SYCP2L: variants seen among roughly 807,000 people sequenced by gnomAD.
The protein encoded by SYCP2L is synaptonemal complex protein 2-like.
Under a neutral mutation model 125.8 loss-of-function variants are expected in SYCP2L, and 98 were observed. That is an observed-to-expected ratio of 0.78 (90% CI 0.66 to 0.92). The LOEUF (loss-of-function observed/expected upper bound fraction) is 0.92, where lower values mean the gene tolerates loss of function less well. Among genes scored for constraint, SYCP2L ranks in the 40% least tolerant of loss-of-function variants. SYCP2L has a pLI of 0.00. For missense variants in SYCP2L, 842 were observed against 936.4 expected (o/e 0.90, Z 1.32); for synonymous variants, 317 against 325.4 (o/e 0.97, Z 0.28).
At chr6:10,918,077 T>G (rs1780721034) in intron 14 of SYCP2L, among the ~76,000 whole-genome samples, 1 of 151,902 alleles carries the variant, frequency 6.6e-6, no homozygotes, top group African/African-American at 2.4e-5. Flanking sequence ...GCTCTCAAGA[T>G]TCTTTCCTTT....
intron 21 of SYCP2L, among the ~76,000 whole-genome samples, chr6:10,939,549 T>C (rs1781174958): frequency 6.6e-6 from 1 of 152,182 alleles, no homozygotes. Flanking sequence ...GATAACATTA[T>C]GGGCCCAGAC....
intron 8 of SYCP2L, among the ~76,000 whole-genome samples, 164 bp downstream of exon 8, chr6:10,903,127 G>A (rs1220904503): frequency 6.6e-6 from 1 of 152,202 alleles, no homozygotes; most frequent in Non-Finnish European, 1.5e-5. Context: ...TGATAAAGAC[G>A]GGCTGAGGTA....
chr6:10,913,149 A>G (rs1317054441), intron 14 of SYCP2L, among the ~76,000 whole-genome samples: 1 of 152,194 alleles, frequency 6.6e-6, no homozygotes, highest in Non-Finnish European at 1.5e-5. Flanking sequence ...AAAAATGTTT[A>G]TAGATCCTCA....
At chr6:10,924,869 T>C (rs1470197450) in intron 15 of SYCP2L, among the ~76,000 whole-genome samples, 3 of 152,236 alleles carry the variant, frequency 2.0e-5, no homozygotes, top group Non-Finnish European at 4.4e-5. Context: ...CTTGAAATGC[T>C]TTACTCTACT....
rs1170543385 is a variant in SYCP2L at position 10,928,232 on chromosome 6, G to GTT, written c.1441-171_1441-170insTT. 2.0e-5 allele frequency among the ~76,000 whole-genome samples: 3 copies of GTT among 151,562 alleles called. No individual in the cohort carries two copies. The East Asian group carries it at 5.8e-4, about 29-fold the overall frequency. ...TATTGTGATACCCTTGTGATACAAG[G>GTT]GTATCACAAGGCATAGGAAATCACA... On this transcript the variant is annotated intron_variant, in intron 17 of 29. Transcript: ENST00000283141.
intron 23 of SYCP2L, among the ~76,000 whole-genome samples, chr6:10,946,773 C>T (rs1479537030): frequency 1.3e-5 from 2 of 151,032 alleles, no homozygotes; most frequent in Non-Finnish European, 3.0e-5. Context: ...TCCATTTATC[C>T]TTGGTAATGT....
At chr6:10,898,280 C>T (rs893367469) in intron 5 of SYCP2L, among the ~76,000 whole-genome samples, 165 bp downstream of exon 5, 5 of 152,076 alleles carry the variant, frequency 3.3e-5, no homozygotes, top group Admixed American at 6.6e-5. Flanking sequence ...TTTGGGAGGC[C>T]GAGGTGAGTG....
At position 10,891,540 on chromosome 6, in the gene SYCP2L, A is replaced by C. The variant is rs1263538811; in HGVS notation, c.37A>C (p.Lys13Gln). 1 of 1,603,586 alleles carries C rather than the reference A, an allele frequency of 6.2e-7. No homozygotes were observed. The highest frequency in any genetic ancestry group is 8.5e-7 in the Non-Finnish European group (1 of 1,174,638). The change falls in exon 2 of 30, where the codon AAG becomes CAG. Residue 13 changes from lysine to glutamine, a missense_variant. Lys to Gln is a moderately conservative substitution (Grantham distance 53, BLOSUM62 1). Coordinates refer to ENST00000283141, the MANE Select transcript of SYCP2L (RefSeq NM_001040274.3). ...AAACAAAGATGCTTTGCAGCCTATT[A>C]AGGAAGACAGGACTGGGAAGGCCCA... is the stretch of plus-strand genomic sequence containing the variant. ...AKNKDALQPI[K>Q]EDRTGKAQDD...
At chr6:10,909,721 A>G (rs4711128) in intron 10 of SYCP2L, among the ~76,000 whole-genome samples, 41 of 152,154 alleles carry the variant, frequency 2.7e-4, no homozygotes, top group African/African-American at 9.6e-4. Context: ...TAATACACCC[A>G]GATCACAGTT....
intron 29 of SYCP2L, among the ~76,000 whole-genome samples, chr6:10,973,023 G>T (rs1038192702): frequency 3.9e-5 from 6 of 152,208 alleles, no homozygotes; most frequent in Non-Finnish European, 7.3e-5. Flanking sequence ...GGAAACAGGG[G>T]AGAATAGGTG....
At chr6:10,951,541 T>C (rs1212836506) in intron 23 of SYCP2L, among the ~76,000 whole-genome samples, 1 of 152,264 alleles carries the variant, frequency 6.6e-6, no homozygotes. Flanking sequence ...TTATCCATTC[T>C]TAACTGCATT....
chr6:10,910,725 A>G (rs916382062), intron 11 of SYCP2L, 99 bp from the exon 12 acceptor site: 8 of 1,264,500 alleles, frequency 6.3e-6, no homozygotes, highest in African/African-American at 4.4e-5. Context: ...GAGGAGACTT[A>G]ATGGCATACT....
In SYCP2L at chr6:10,906,024, G is replaced by T. The variant is rs1188951892; in HGVS notation, c.646G>T (p.Asp216Tyr). The T allele has an allele frequency of 3.8e-6, 6 of 1,599,192 alleles. No individual in the cohort carries two copies. Among genetic ancestry groups the T allele is most frequent in the Non-Finnish European group, 5.1e-6 (6 of 1,168,680 alleles). ...LSEGMCHLMKDLARTLLTVGD... is the reference protein window; with the variant it reads ...LSEGMCHLMKYLARTLLTVGD... Reference sequence around the variant, plus strand: ...TGATTTATCTAAATGTTTCAGGAAAGACCTTGCAAGGACACTCTTGACTGT... The same window carrying T: ...TGATTTATCTAAATGTTTCAGGAAATACCTTGCAAGGACACTCTTGACTGT... The change falls in exon 9 of 30, where the codon GAC (aspartate) becomes TAC (tyrosine). Residue 216 changes from aspartate (D) to tyrosine (Y), a missense_variant. Transcript: ENST00000283141.
intron 21 of SYCP2L, among the ~76,000 whole-genome samples, chr6:10,940,956 T>G (rs1013915043): frequency 6.6e-6 from 1 of 152,182 alleles, no homozygotes; most frequent in African/African-American, 2.4e-5. Flanking sequence ...AAGGTGCCGA[T>G]CTAGTTGAAG....
At chr6:10,967,454 GGTGTGT>G (rs3066151) in intron 29 of SYCP2L, among the ~76,000 whole-genome samples, 1,877 of 138,896 alleles carry the variant, frequency 0.014, 20 homozygotes, top group African/African-American at 0.018. Flanking sequence ...TGGGGTAGAG[GGTGTGT>G]GTGTGTGTGT....
chr6:10,887,054 G>A lies in SYCP2L; in HGVS notation c.-73G>A, dbSNP rs1581810922. ...CCCAGCGGGCGGGGCTCTTGGGCGG[G>A]GAAGCAGGAGAGGGCCGACCGAGCG... On this transcript the variant is annotated 5_prime_UTR_variant, in exon 1 of 30. Transcript: ENST00000283141. 1 of 1,605,924 alleles carries A rather than the reference G, an allele frequency of 6.2e-7. No individual in the cohort carries two copies. The highest frequency in any genetic ancestry group is 8.5e-7 in the Non-Finnish European group (1 of 1,174,260).
chr6:10,915,775 A>G (rs1423208237), intron 14 of SYCP2L, among the ~76,000 whole-genome samples: 1 of 152,052 alleles, frequency 6.6e-6, no homozygotes, highest in Non-Finnish European at 1.5e-5. Context: ...ATTGGTCTGT[A>G]GTTTTCTTTT....
At chr6:10,930,632 C>T in intron 19 of SYCP2L, 118 bp downstream of exon 19, 1 of 1,188,444 alleles carries the variant, frequency 8.4e-7, no homozygotes, top group South Asian at 1.4e-5. Context: ...ATGGGGCCAG[C>T]TTTCCCTGCT....
intron 26 of SYCP2L, among the ~76,000 whole-genome samples, chr6:10,960,602 T>A (rs750265853): frequency 6.6e-6 from 1 of 152,082 alleles, no homozygotes; most frequent in African/African-American, 2.4e-5. Context: ...AATGTAGATG[T>A]GGGAAAAGAG....
Sources: allele counts gnomAD v4.1 joint callset (sites outside exome capture counted in the v4.1 genomes callset), GRCh38; gene constraint gnomAD v4.1.1; transcripts MANE v1.5; gene names NCBI Gene and HGNC (gene_info 2026-07-23, HGNC 2026-07-21).